MYOZ3: variants seen among roughly 807,000 people sequenced by gnomAD.
The protein encoded by MYOZ3 is myozenin-3.
MYOZ3 carries 19 observed loss-of-function variants against 26.5 expected under a neutral mutation model. The ratio of observed to expected loss-of-function variants is 0.72; its 90% CI spans 0.50 to 1.05. The LOEUF is 1.05. Among genes scored for constraint, MYOZ3 ranks in the 50% least tolerant of loss-of-function variants. MYOZ3 has a pLI of 0.00. For synonymous variants in MYOZ3, 135 were observed against 138.8 expected (o/e 0.97, Z 0.19); for missense variants, 322 against 337.1 (o/e 0.96, Z 0.35).
At position 150,677,581 on chromosome 5, in the gene MYOZ3, C is replaced by T. The variant is rs1168487655; in HGVS notation, c.*706C>T. The T allele has an allele frequency of 6.6e-6, 1 of 152,266 alleles. No homozygotes were observed. The highest frequency in any genetic ancestry group is 1.5e-5 in the Non-Finnish European group (1 of 68,078). The allele number at this position is 152,266 out of a possible 1,614,324, so 9.4% of individuals were successfully genotyped here. On this transcript the variant is annotated 3_prime_UTR_variant, in exon 7 of 7. Coordinates refer to ENST00000517768, the MANE Select transcript of MYOZ3 (RefSeq NM_001122853.3). ...CCGGTGACAGGGTGCTCACTGGCAC[C>T]CCATCTTCCTGTGAATAACTCAAAT...
intron 2 of MYOZ3, chr5:150,670,011 G>A (rs999808643): frequency 2.6e-5 from 4 of 152,686 alleles, no homozygotes; most frequent in African/African-American, 7.2e-5. Flanking sequence ...GTCTAAAACT[G>A]AACTCCTGAT....
chr5:150,676,698 T>C lies in MYOZ3; in HGVS notation c.588-9T>C, dbSNP rs1174305380. 1 of 1,612,888 alleles carries C rather than the reference T, an allele frequency of 6.2e-7. No individual in the cohort carries two copies. Among genetic ancestry groups the C allele is most frequent in the East Asian group, 2.2e-5 (1 of 44,862 alleles). Reference sequence around the variant, plus strand: ...ACAGCCCACCTCTCCTGCTGCTCTCTTTCTCCAGGACCCCGGTGCCATTTG... The same window carrying C: ...ACAGCCCACCTCTCCTGCTGCTCTCCTTCTCCAGGACCCCGGTGCCATTTG... On this transcript the variant is annotated splice_polypyrimidine_tract_variant and intron_variant, in intron 6 of 6. Coordinates refer to ENST00000517768, the MANE Select transcript of MYOZ3 (RefSeq NM_001122853.3).
At chr5:150,672,618 C>A in intron 6 of MYOZ3, 116 bp downstream of exon 6, 2 of 1,257,786 alleles carry the variant, frequency 1.6e-6, no homozygotes, top group Non-Finnish European at 2.2e-6. Context: ...CTGTCCCCAG[C>A]GCTTTCTATT....
At chr5:150,670,105 C>T (rs981916759) in intron 2 of MYOZ3, 1 of 160,338 alleles carries the variant, frequency 6.2e-6, no homozygotes, top group African/African-American at 2.4e-5. Context: ...GGCCAGAAAC[C>T]TTGCAGTCAT....
intron 2 of MYOZ3, among the ~76,000 whole-genome samples, chr5:150,666,848 C>A (rs1758819429): frequency 1.3e-5 from 2 of 151,714 alleles, no homozygotes; most frequent in Admixed American, 6.6e-5. Flanking sequence ...GCAAACTTCA[C>A]CTCCACCTTC....
chr5:150,671,969 C>T, intron 5 of MYOZ3, 61 bp downstream of exon 5: 1 of 1,468,422 alleles, frequency 6.8e-7, no homozygotes, highest in African/African-American at 1.4e-5. Context: ...GGGTGTGCTC[C>T]CCATGGGGCA....
intron 2 of MYOZ3, 144 bp from the exon 3 acceptor site, chr5:150,670,340 A>C (rs1376842920): frequency 1.1e-6 from 1 of 943,024 alleles, no homozygotes; most frequent in East Asian, 3.0e-5. Context: ...GTGGGCAAAG[A>C]TTTCAAACAA....
chr5:150,670,858 C>A, intron 3 of MYOZ3: 1 of 196,564 alleles, frequency 5.1e-6, no homozygotes, highest in Admixed American at 7.2e-5. Context: ...GAGGATAAGC[C>A]GTGGAGTGAA....
chr5:150,672,187 C>T, intron 5 of MYOZ3, 153 bp from the exon 6 acceptor site: 2 of 1,188,874 alleles, frequency 1.7e-6, no homozygotes, highest in Non-Finnish European at 2.4e-6. Context: ...GTCTCCTGTG[C>T]TGGAGCAACT....
At position 150,677,910 on chromosome 5, in the gene MYOZ3, T is replaced by TGAAGA. The variant is rs59888631; in HGVS notation, c.*1039_*1040insAGAAG. The TGAAGA allele has an allele frequency of 0.087, 13,254 of 151,714 alleles. 1,790 individuals carry two copies. Among genetic ancestry groups the TGAAGA allele is most frequent in the African/African-American group, 0.29 (11,928 of 41,188 alleles). The allele number at this position is 151,714 out of a possible 1,614,324, so 9.4% of individuals were successfully genotyped here. A position where few individuals can be genotyped will look rare whatever the true frequency, so the allele number is the denominator to read the frequency against. On this transcript the variant is annotated 3_prime_UTR_variant, in exon 7 of 7. Transcript: ENST00000517768. ...ACCTTGTGGGAGGCGTGAGAGTCCA[T>TGAAGA]GAAGGGGGTGTGAGGGGGAGGGTAT...
At chr5:150,665,769 C>T (rs1186291217) in intron 2 of MYOZ3, among the ~76,000 whole-genome samples, 3 of 151,354 alleles carry the variant, frequency 2.0e-5, no homozygotes, top group Non-Finnish European at 4.4e-5. Flanking sequence ...GGGGAGGTGG[C>T]TCACGCCTGT....
intron 2 of MYOZ3, among the ~76,000 whole-genome samples, chr5:150,667,474 C>T (rs1296108964): frequency 3.9e-5 from 6 of 152,202 alleles, no homozygotes; most frequent in Non-Finnish European, 8.8e-5. Context: ...GGACTCTCCT[C>T]ATACCTGCCT....
At chr5:150,662,271 A>G (rs1031962403) in intron 1 of MYOZ3, among the ~76,000 whole-genome samples, 13 of 152,158 alleles carry the variant, frequency 8.5e-5, no homozygotes, top group Non-Finnish European at 1.9e-4. Context: ...AATCTCTTCC[A>G]AGATTCTTTG....
At chr5:150,671,434 A>G (rs1269991301) in intron 3 of MYOZ3, 163 bp from the exon 4 acceptor site, 16 of 692,810 alleles carry the variant, frequency 2.3e-5, no homozygotes, top group Middle Eastern at 6.6e-4. Context: ...TCTCGGTCCC[A>G]GGCACTGGGT....
In MYOZ3 at chr5:150,670,594, C is replaced by T; in HGVS notation, c.172C>T (p.Arg58Cys). ...GSLLFQKRQR[R>C]VQKFTFELAA... ...CCTCCTCTTCCAGAAGAGGCAGCGC[C>T]GTGTGCAGAAGTTCACTTTCGAGTT... Residue 58 changes from arginine to cysteine, a missense_variant, in exon 3 of 7, where the codon CGT (arginine) becomes TGT (cysteine). Physicochemically the swap from Arg to Cys is radical, Grantham distance 180 (BLOSUM62 -3). Coordinates refer to ENST00000517768, the MANE Select transcript of MYOZ3 (RefSeq NM_001122853.3). 1.2e-6 allele frequency: 2 copies of T among 1,612,800 alleles called. No homozygotes were observed. The highest frequency in any genetic ancestry group is 1.7e-6 in the Non-Finnish European group (2 of 1,179,324).
At position 150,676,613 on chromosome 5, in the gene MYOZ3, G is replaced by T. The variant is rs531536823; in HGVS notation, c.588-94G>T. The T allele has an allele frequency of 7.4e-6, 9 of 1,222,342 alleles. No homozygotes were observed. In the South Asian group the frequency reaches 1.3e-4, roughly 18 times the overall value. 75.7% of individuals were successfully genotyped at this position (1,222,342 alleles called of 1,614,324 possible). On this transcript the variant is annotated intron_variant, in intron 6 of 6. Coordinates refer to ENST00000517768, the MANE Select transcript of MYOZ3 (RefSeq NM_001122853.3). Reference sequence around the variant, plus strand: ...AAGGGAAAACTGAGGCTCAGAGAGCGGCAGGGAGGGGCCCATACATGGTGA... The same window carrying T: ...AAGGGAAAACTGAGGCTCAGAGAGCTGCAGGGAGGGGCCCATACATGGTGA...
At chr5:150,671,297 C>A in intron 3 of MYOZ3, 1 of 451,834 alleles carries the variant, frequency 2.2e-6, no homozygotes, top group Admixed American at 3.9e-5. Context: ...TGCTCATAGA[C>A]CCCTCTGAGG....
At chr5:150,676,332 T>C (rs1759005213) in intron 6 of MYOZ3, among the ~76,000 whole-genome samples, 1 of 151,870 alleles carries the variant, frequency 6.6e-6, no homozygotes, top group Non-Finnish European at 1.5e-5. Flanking sequence ...GATCATGAGG[T>C]CAGGAGTTTG....
Position 150,666,748 on chromosome 5 carries a change from T to G in MYOZ3, c.62-3736T>G, listed in dbSNP as rs1204101625. 2.0e-5 allele frequency among the ~76,000 whole-genome samples: 3 copies of G among 149,414 alleles called. No homozygotes were observed. The East Asian group carries it at 5.8e-4, about 29-fold the overall frequency. The stretch of plus-strand genomic sequence containing the variant: ...ATCTTACTTTCCCCTCCAATTAATT[T>G]ATACTGGATTTCTTTTTTTCTTTTT... On this transcript the variant is annotated intron_variant, in intron 2 of 6. Transcript: ENST00000517768.
Sources: allele counts gnomAD v4.1 joint callset (sites outside exome capture counted in the v4.1 genomes callset), GRCh38; gene constraint gnomAD v4.1.1; transcripts MANE v1.5; gene names NCBI Gene and HGNC (gene_info 2026-07-23, HGNC 2026-07-21).